Variants in STPG2 observed in about 807,000 individuals in gnomAD.
The protein encoded by STPG2 is sperm tail PG-rich repeat containing 2, also known as sperm-tail PG-rich repeat-containing protein 2.
In STPG2, 56 loss-of-function variants were observed where a neutral mutation model predicts 54.2. The ratio of observed to expected loss-of-function variants is 1.03; its 90% CI spans 0.83 to 1.29. STPG2 has a LOEUF of 1.29. Ranked by LOEUF, STPG2 falls within the 50% of genes most tolerant of loss-of-function variation. The probability of loss-of-function intolerance (pLI) is 0.00; values close to 1 mark genes in which losing one functional copy is unlikely to be tolerated. For synonymous variants in STPG2, 200 were observed against 181.8 expected, an observed-to-expected ratio of 1.10 and a Z score of -0.81; for missense variants, 596 against 544.9, an observed-to-expected ratio of 1.09 and a Z score of -0.93.
At chr4:97,900,603 C>G (rs184231928) in intron 8 of STPG2, among the ~76,000 whole-genome samples, 1 of 152,012 alleles carries the variant, frequency 6.6e-6, no homozygotes, top group East Asian at 1.9e-4. Context: ...TAAGAAAGAA[C>G]AAGATCATGT....
chr4:97,744,539 A>G (rs1020349773), intron 9 of STPG2, among the ~76,000 whole-genome samples: 28 of 151,332 alleles, frequency 1.9e-4, no homozygotes, highest in Non-Finnish European at 8.9e-5. Context: ...TTATTACTAT[A>G]TATTAGTCCC....
chr4:98,011,948 AGC>A (rs1311531711), intron 5 of STPG2, among the ~76,000 whole-genome samples: 1 of 152,178 alleles, frequency 6.6e-6, no homozygotes, highest in Non-Finnish European at 1.5e-5. Flanking sequence ...GCTGTGCAGA[AGC>A]TCTTTAGTTT....
intron 8 of STPG2, among the ~76,000 whole-genome samples, chr4:97,872,934 T>A (rs1012345044): frequency 6.6e-6 from 1 of 151,288 alleles, no homozygotes; most frequent in Non-Finnish European, 1.5e-5. Context: ...GTCCCTGCGA[T>A]GAAAGCAGTA....
chr4:97,710,854 A>G (rs1358294174), intron 10 of STPG2, among the ~76,000 whole-genome samples: 1 of 152,048 alleles, frequency 6.6e-6, no homozygotes, highest in Non-Finnish European at 1.5e-5. Context: ...AAAATTACAG[A>G]CTCAGTTCTC....
At chr4:97,953,828 G>T (rs2149242385) in intron 7 of STPG2, among the ~76,000 whole-genome samples, 1 of 152,188 alleles carries the variant, frequency 6.6e-6, no homozygotes, top group East Asian at 1.9e-4. Flanking sequence ...TCTTTCAAAG[G>T]GTCTGTGATT....
At chr4:98,121,866 C>G (rs548316688) in intron 3 of STPG2, among the ~76,000 whole-genome samples, 22 of 152,000 alleles carry the variant, frequency 1.4e-4, no homozygotes, top group Non-Finnish European at 2.6e-4. Context: ...GGACTACAGG[C>G]GTGCATCACC....
intron 4 of STPG2, among the ~76,000 whole-genome samples, chr4:97,536,682 A>T (rs1479882473): frequency 6.6e-6 from 1 of 152,188 alleles, no homozygotes; most frequent in Non-Finnish European, 1.5e-5. Flanking sequence ...ATTTTATTCT[A>T]ATCTGTAGCT....
intron 5 of STPG2, among the ~76,000 whole-genome samples, chr4:98,016,150 T>C (rs1735939076): frequency 6.6e-6 from 1 of 152,190 alleles, no homozygotes; most frequent in African/African-American, 2.4e-5. Flanking sequence ...GGCTCATGTA[T>C]ACCTCTGTAA....
At chr4:98,088,734 G>A (rs555461072) in intron 5 of STPG2, among the ~76,000 whole-genome samples, 1 of 149,808 alleles carries the variant, frequency 6.7e-6, no homozygotes, top group African/African-American at 2.5e-5. Context: ...TCCATCTCAG[G>A]CAAGCTCCCT....
intron 8 of STPG2, among the ~76,000 whole-genome samples, chr4:97,919,841 A>C (rs1454959744): frequency 6.6e-6 from 1 of 152,174 alleles, no homozygotes; most frequent in Non-Finnish European, 1.5e-5. Flanking sequence ...CCAAACCTAT[A>C]AAAGGTCATT....
chr4:97,909,359 TAAAG>T (rs903433504), intron 8 of STPG2, among the ~76,000 whole-genome samples: 3 of 152,108 alleles, frequency 2.0e-5, no homozygotes, highest in Non-Finnish European at 4.4e-5. Flanking sequence ...CTATCTTACA[TAAAG>T]AATCTACCCT....
At chr4:98,061,782 A>G (rs1737667522) in intron 5 of STPG2, among the ~76,000 whole-genome samples, 1 of 152,200 alleles carries the variant, frequency 6.6e-6, no homozygotes, top group South Asian at 2.1e-4. Flanking sequence ...CTAGTATTAA[A>G]AAGTCAAAAA....
At chr4:98,011,147 T>A (rs1224385285) in intron 5 of STPG2, among the ~76,000 whole-genome samples, 4 of 152,122 alleles carry the variant, frequency 2.6e-5, no homozygotes, top group Non-Finnish European at 5.9e-5. Context: ...TGTGTGTTTT[T>A]CCCCTCCCTA....
At chr4:97,560,810 G>A (rs1732210555) in intron 10 of STPG2, among the ~76,000 whole-genome samples, 1 of 152,110 alleles carries the variant, frequency 6.6e-6, no homozygotes, top group Non-Finnish European at 1.5e-5. Context: ...ACATGAATGA[G>A]TAAAATTGAG....
intron 4 of STPG2, among the ~76,000 whole-genome samples, chr4:97,504,146 T>A (rs1578348486): frequency 6.8e-6 from 1 of 146,002 alleles, no homozygotes; most frequent in East Asian, 2.0e-4. Flanking sequence ...ATTTAATATT[T>A]AATAAATAAA....
chr4:97,560,198 A>T (rs977540105), intron 10 of STPG2, among the ~76,000 whole-genome samples: 95 of 152,246 alleles, frequency 6.2e-4, no homozygotes, highest in African/African-American at 2.3e-3. Context: ...TTATTCCAAC[A>T]TTTTGGAGTT....
intron 6 of STPG2, among the ~76,000 whole-genome samples, chr4:97,975,213 A>G (rs779480481): frequency 2.0e-4 from 30 of 152,200 alleles, no homozygotes; most frequent in Non-Finnish European, 3.7e-4. Flanking sequence ...TGTAATTCTG[A>G]TTGCCTGACT....
intron 9 of STPG2, among the ~76,000 whole-genome samples, chr4:97,759,106 A>G (rs976584715): frequency 6.6e-6 from 1 of 152,180 alleles, no homozygotes; most frequent in Non-Finnish European, 1.5e-5. Flanking sequence ...AGTCTCAAAG[A>G]AAAGGAAGGG....
At chr4:97,970,927 T>C (rs1352797855) in intron 7 of STPG2, among the ~76,000 whole-genome samples, 2 of 152,120 alleles carry the variant, frequency 1.3e-5, no homozygotes, top group East Asian at 1.9e-4. Context: ...AAAGGGCTAA[T>C]ATCCAGAATC....
Sources: gnomAD v4.1 joint callset for allele counts (sites outside exome capture counted in the v4.1 genomes callset) on GRCh38, gnomAD v4.1.1 for gene constraint, MANE v1.5 for transcripts, NCBI Gene and HGNC (gene_info 2026-07-23, HGNC 2026-07-21) for gene names.